Variants in H2BC12 observed in about 807,000 individuals in gnomAD.
The protein encoded by H2BC12 is H2B clustered histone 12.
Under a neutral mutation model 6.3 loss-of-function variants are expected in H2BC12, and 6 were observed. That is an observed-to-expected ratio of 0.95 (90% CI 0.52 to 1.87). The LOEUF (loss-of-function observed/expected upper bound fraction) is 1.87, where lower values mean the gene tolerates loss of function less well. Among genes scored for constraint, H2BC12 ranks in the 40% most tolerant of loss-of-function variants. The pLI, the probability that H2BC12 is intolerant of heterozygous loss-of-function variation, is 0.01. For missense variants in H2BC12, 119 were observed against 178.4 expected (o/e 0.67, Z 1.90); for synonymous variants, 132 against 78.5 (o/e 1.68, Z -3.60).
At position 27,146,827 on chromosome 6, in the gene H2BC12, A is replaced by G. The variant is rs769551051; in HGVS notation, c.-29T>C. The G allele has an allele frequency of 4.4e-6, 7 of 1,606,988 alleles. No homozygotes were observed. Among genetic ancestry groups the G allele is most frequent in the Non-Finnish European group, 5.9e-6 (7 of 1,176,810 alleles). ...GAAGGCGAACTACGAGCCTGAGACG[A>G]GCAGCAGATCGAGAAAACGGGAAGT... On this transcript the variant is annotated 5_prime_UTR_variant, in exon 1 of 1. Coordinates refer to ENST00000356950, the MANE Select transcript of H2BC12 (RefSeq NM_001312653.2).
chr6:27,141,933 A>G (rs1760011148), downstream of H2BC12, among the ~76,000 whole-genome samples: 1 of 152,196 alleles, frequency 6.6e-6, no homozygotes, highest in Non-Finnish European at 1.5e-5. Context: ...ATGGAGTTTG[A>G]GCACTTACAA....
chr6:27,141,868 G>A (rs1271550896), downstream of H2BC12, among the ~76,000 whole-genome samples: 1 of 152,196 alleles, frequency 6.6e-6, no homozygotes, highest in Non-Finnish European at 1.5e-5. Context: ...TGCCCTAGTG[G>A]GTTTTAGGTC....
At chr6:27,139,377 G>A in the H2BC12 span, 7 of 1,614,114 alleles carry the variant, frequency 4.3e-6, no homozygotes, top group Non-Finnish European at 5.1e-6. Context: ...GCAAGGTGCT[G>A]CGCGACAACA....
chr6:27,142,725 C>G (rs552282437), downstream of H2BC12, among the ~76,000 whole-genome samples: 6 of 147,868 alleles, frequency 4.1e-5, no homozygotes, highest in South Asian at 1.1e-3. Flanking sequence ...CAACCTCAGC[C>G]TCCCGGGTTC....
At chr6:27,139,295 C>G in the H2BC12 span, 1 of 1,591,442 alleles carries the variant, frequency 6.3e-7, no homozygotes, top group African/African-American at 1.3e-5. Context: ...CCTTTGTTCT[C>G]TGACCACTTG....
chr6:27,143,103 G>GTT (rs1760026962), downstream of H2BC12, among the ~76,000 whole-genome samples: 3 of 152,034 alleles, frequency 2.0e-5, no homozygotes, highest in Admixed American at 2.0e-4. Flanking sequence ...GTTCACGCCA[G>GTT]CACTTTGGGA....
chr6:27,139,135 G>A, the H2BC12 span: 4 of 601,896 alleles, frequency 6.6e-6, no homozygotes, highest in Non-Finnish European at 1.1e-5. Flanking sequence ...AGGACTGAAG[G>A]AGAACAAGAG....
At chr6:27,143,445 G>T (rs901911462), downstream of H2BC12, among the ~76,000 whole-genome samples, 1 of 152,002 alleles carries the variant, frequency 6.6e-6, no homozygotes, top group Non-Finnish European at 1.5e-5. Context: ...GTAATATCAA[G>T]AAAGTAGTGA....
chr6:27,140,088 G>T, the H2BC12 span, among the ~76,000 whole-genome samples: 1 of 152,112 alleles, frequency 6.6e-6, no homozygotes, highest in East Asian at 1.9e-4. Flanking sequence ...CTGCATGGGG[G>T]GGAGGGGGAC....
the H2BC12 span, chr6:27,139,403 A>G: frequency 6.2e-7 from 1 of 1,614,232 alleles, no homozygotes; most frequent in Non-Finnish European, 8.5e-7. Flanking sequence ...GGTATCACCA[A>G]GCCAGCCATT....
the H2BC12 span, among the ~76,000 whole-genome samples, chr6:27,140,140 A>G: frequency 6.6e-6 from 1 of 152,128 alleles, no homozygotes; most frequent in Non-Finnish European, 1.5e-5. Flanking sequence ...GGCAGTCTTA[A>G]GAGTCTTAGT....
At chr6:27,139,620 A>C in the H2BC12 span, 3 of 1,605,776 alleles carry the variant, frequency 1.9e-6, no homozygotes, top group Non-Finnish European at 2.6e-6. Flanking sequence ...TCGGCGGCTA[A>C]ATGGCATTTT....
chr6:27,140,772 T>C, the H2BC12 span, among the ~76,000 whole-genome samples: 2 of 152,254 alleles, frequency 1.3e-5, no homozygotes, highest in Non-Finnish European at 2.9e-5. Flanking sequence ...TTTTCCCGCT[T>C]TCCTCGGAAT....
downstream of H2BC12, among the ~76,000 whole-genome samples, chr6:27,143,944 A>G (rs1760038251): frequency 6.6e-6 from 1 of 152,096 alleles, no homozygotes. Context: ...ATACAAATAA[A>G]TAAGTTAAAA....
the H2BC12 span, chr6:27,139,902 G>C: frequency 2.2e-6 from 1 of 462,544 alleles, no homozygotes; most frequent in Non-Finnish European, 3.9e-6. Context: ...GCTCGGATTA[G>C]TTTAGAAAGC....
At chr6:27,142,841 T>C (rs1229863326), downstream of H2BC12, among the ~76,000 whole-genome samples, 1 of 151,118 alleles carries the variant, frequency 6.6e-6, no homozygotes, top group Non-Finnish European at 1.5e-5. Flanking sequence ...TTCACCATAC[T>C]GGCCAGGCAG....
At chr6:27,139,203 A>C in the H2BC12 span, 1 of 1,290,934 alleles carries the variant, frequency 7.7e-7, no homozygotes, top group East Asian at 2.4e-5. Flanking sequence ...ATGCAGAGGG[A>C]CTTCCCGCCA....
downstream of H2BC12, among the ~76,000 whole-genome samples, chr6:27,146,219 G>A (rs536234343): frequency 3.3e-5 from 5 of 152,322 alleles, no homozygotes; most frequent in African/African-American, 1.2e-4. Flanking sequence ...CAAAGTGTAT[G>A]TGGCTTCTCC....
At chr6:27,140,953 T>A in the H2BC12 span, among the ~76,000 whole-genome samples, 14 of 151,578 alleles carry the variant, frequency 9.2e-5, no homozygotes, top group Non-Finnish European at 1.6e-4. Context: ...TTTAATAATG[T>A]TGGATTTATA....
Sources: allele counts gnomAD v4.1 joint callset (sites outside exome capture counted in the v4.1 genomes callset), GRCh38; gene constraint gnomAD v4.1.1; transcripts MANE v1.5; gene names NCBI Gene and HGNC (gene_info 2026-07-23, HGNC 2026-07-21).